Variants in KCTD16 observed in about 807,000 individuals in gnomAD.
KCTD16 encodes BTB/POZ domain-containing protein KCTD16.
KCTD16 carries 13 observed loss-of-function variants against 33.2 expected under a neutral mutation model. The observed-to-expected ratio is 0.39, with a 90% confidence interval of 0.25 to 0.62. The LOEUF (loss-of-function observed/expected upper bound fraction) is 0.62, where lower values mean the gene tolerates loss of function less well. Among genes scored for constraint, KCTD16 ranks in the 20% least tolerant of loss-of-function variants. The probability of loss-of-function intolerance (pLI) is 0.50; values close to 1 mark genes in which losing one functional copy is unlikely to be tolerated. For synonymous variants in KCTD16, 197 were observed against 195.3 expected (o/e 1.01, Z -0.07); for missense variants, 441 against 525.1 (o/e 0.84, Z 1.57).
intron 3 of KCTD16, among the ~76,000 whole-genome samples, chr5:144,223,532 A>G (rs1753830071): frequency 6.6e-6 from 1 of 152,148 alleles, no homozygotes. Context: ...GACTTGTGTA[A>G]TAATTGTACC....
At chr5:144,337,825 C>T (rs1752528299) in intron 3 of KCTD16, among the ~76,000 whole-genome samples, 1 of 152,088 alleles carries the variant, frequency 6.6e-6, no homozygotes, top group African/African-American at 2.4e-5. Context: ...TGGGTGAGAA[C>T]AAGACCTTTA....
At chr5:144,235,925 C>T (rs1236906166) in intron 3 of KCTD16, among the ~76,000 whole-genome samples, 3 of 152,008 alleles carry the variant, frequency 2.0e-5, no homozygotes, top group Non-Finnish European at 4.4e-5. Context: ...CCAATGCATG[C>T]TTTAGGGGTA....
At chr5:144,378,431 A>G (rs1445527818) in intron 3 of KCTD16, among the ~76,000 whole-genome samples, 1 of 152,196 alleles carries the variant, frequency 6.6e-6, no homozygotes, top group Non-Finnish European at 1.5e-5. Context: ...TCTTCTAAAG[A>G]TGCTAGATCA....
intron 3 of KCTD16, among the ~76,000 whole-genome samples, chr5:144,299,848 G>T (rs1751379092): frequency 6.7e-6 from 1 of 148,176 alleles, no homozygotes; most frequent in South Asian, 2.1e-4. Context: ...TCATTGTCCA[G>T]GACCAAAGCA....
At chr5:144,456,762 T>A (rs578057879) in intron 3 of KCTD16, among the ~76,000 whole-genome samples, 1 of 152,230 alleles carries the variant, frequency 6.6e-6, no homozygotes, top group African/African-American at 2.4e-5. Context: ...AACTCTTTTT[T>A]TTTTTTTTTC....
chr5:144,344,328 G>C (rs1454061502), intron 3 of KCTD16, among the ~76,000 whole-genome samples: 1 of 148,932 alleles, frequency 6.7e-6, no homozygotes, highest in African/African-American at 2.5e-5. Flanking sequence ...AACACCAAAA[G>C]CAATGGCAAC....
At chr5:144,328,912 T>C (rs148305788) in intron 3 of KCTD16, among the ~76,000 whole-genome samples, 2,603 of 152,092 alleles carry the variant, frequency 0.017, 31 homozygotes, top group Non-Finnish European at 0.027. Flanking sequence ...GATTCATTGA[T>C]GCCAATCGTT....
At chr5:144,457,685 A>C (rs1037431388) in intron 3 of KCTD16, among the ~76,000 whole-genome samples, 1 of 152,208 alleles carries the variant, frequency 6.6e-6, no homozygotes, top group Non-Finnish European at 1.5e-5. Context: ...AGGGATACCA[A>C]TTTTATCCCA....
At chr5:144,352,122 ATGT>A (rs1751455271) in intron 3 of KCTD16, among the ~76,000 whole-genome samples, 1 of 152,216 alleles carries the variant, frequency 6.6e-6, no homozygotes, top group Admixed American at 6.5e-5. Context: ...TCAAAACATC[ATGT>A]TGTATACATC....
intron 3 of KCTD16, among the ~76,000 whole-genome samples, chr5:144,209,150 G>A (rs1036679484): frequency 1.3e-5 from 2 of 152,118 alleles, no homozygotes; most frequent in African/African-American, 2.4e-5. Flanking sequence ...TGAAAACATA[G>A]CATCGTAAGA....
At chr5:144,223,383 G>T (rs1753825391) in intron 3 of KCTD16, among the ~76,000 whole-genome samples, 1 of 152,052 alleles carries the variant, frequency 6.6e-6, no homozygotes, top group Non-Finnish European at 1.5e-5. Flanking sequence ...ACAAAACACA[G>T]ATATGTAGCT....
chr5:144,259,335 A>G (rs995612855), intron 3 of KCTD16, among the ~76,000 whole-genome samples: 1 of 151,972 alleles, frequency 6.6e-6, no homozygotes, highest in African/African-American at 2.4e-5. Context: ...CAGATCAGAC[A>G]TGAACATAAT....
In KCTD16 at chr5:144,475,066, T is replaced by C. The variant is rs1448059869; in HGVS notation, c.*952T>C. 1.3e-5 allele frequency: 2 copies of C among 152,228 alleles called. No homozygotes were observed. Among genetic ancestry groups the C allele is most frequent in the African/African-American group, 2.4e-5 (1 of 41,460 alleles). 9.4% of individuals were successfully genotyped at this position (152,228 alleles called of 1,614,324 possible). A position where few individuals can be genotyped will look rare whatever the true frequency, so the allele number is the denominator to read the frequency against. Reference sequence around the variant, plus strand: ...CTGAATTATCACCCTTTTCTCCATGTTTTCAGAGTTCTTACTGCCCACAGT... The same window carrying C: ...CTGAATTATCACCCTTTTCTCCATGCTTTCAGAGTTCTTACTGCCCACAGT... On this transcript the variant is annotated 3_prime_UTR_variant, in exon 4 of 4. Transcript: ENST00000512467.
At chr5:144,234,832 A>G (rs1228794381) in intron 3 of KCTD16, among the ~76,000 whole-genome samples, 1 of 152,062 alleles carries the variant, frequency 6.6e-6, no homozygotes, top group Non-Finnish European at 1.5e-5. Flanking sequence ...GTGTGTGTGT[A>G]TCACAGTCCT....
chr5:144,210,678 C>G (rs1753358250), intron 3 of KCTD16, among the ~76,000 whole-genome samples: 1 of 152,088 alleles, frequency 6.6e-6, no homozygotes, highest in African/African-American at 2.4e-5. Context: ...TACTCAATAA[C>G]AATTCACATC....
At chr5:144,196,008 G>A (rs1752933327) in intron 2 of KCTD16, among the ~76,000 whole-genome samples, 1 of 152,118 alleles carries the variant, frequency 6.6e-6, no homozygotes. Flanking sequence ...GCTTAGTGAA[G>A]GTAACACTCA....
intron 3 of KCTD16, among the ~76,000 whole-genome samples, chr5:144,345,954 A>AATTT (rs1752788865): frequency 1.4e-5 from 2 of 140,724 alleles, no homozygotes; most frequent in African/African-American, 5.2e-5. Context: ...TATTCATTCT[A>AATTT]TTTTTTTTTT....
intron 3 of KCTD16, among the ~76,000 whole-genome samples, chr5:144,282,100 A>T (rs1394682222): frequency 6.6e-6 from 1 of 152,196 alleles, no homozygotes; most frequent in Admixed American, 6.5e-5. Flanking sequence ...GTGGCTGGTC[A>T]CCAGAAAGAC....
chr5:144,375,147 C>A (rs995800776), intron 3 of KCTD16, among the ~76,000 whole-genome samples: 12 of 152,162 alleles, frequency 7.9e-5, no homozygotes, highest in African/African-American at 2.7e-4. Context: ...TTATTGCTTT[C>A]CAGGACATGG....
Sources: allele counts gnomAD v4.1 joint callset (sites outside exome capture counted in the v4.1 genomes callset), GRCh38; gene constraint gnomAD v4.1.1; transcripts MANE v1.5; gene names NCBI Gene and HGNC (gene_info 2026-07-23, HGNC 2026-07-21).